SLC35F3: variants seen among roughly 807,000 people sequenced by gnomAD.
SLC35F3 encodes solute carrier family 35 member F3, also known as putative thiamine transporter SLC35F3.
In SLC35F3, 25 loss-of-function variants were observed where a neutral mutation model predicts 49.9. The ratio of observed to expected loss-of-function variants is 0.50; its 90% CI spans 0.37 to 0.70. The LOEUF is 0.70. Ranked by LOEUF, SLC35F3 falls within the 30% of genes least tolerant of loss-of-function variation. The probability of loss-of-function intolerance (pLI) is 0.00; values close to 1 mark genes in which losing one functional copy is unlikely to be tolerated. For synonymous variants in SLC35F3, 275 were observed against 265.4 expected (o/e 1.04, Z -0.35); for missense variants, 525 against 639.8 (o/e 0.82, Z 1.94).
chr1:234,179,699 G>A (rs1666528646), intron 2 of SLC35F3, among the ~76,000 whole-genome samples: 1 of 151,698 alleles, frequency 6.6e-6, no homozygotes, highest in Admixed American at 6.6e-5. Flanking sequence ...TATGAGCCAA[G>A]GACATGGCAT....
intron 3 of SLC35F3, among the ~76,000 whole-genome samples, chr1:234,285,743 C>T (rs967137613): frequency 3.3e-5 from 5 of 152,160 alleles, no homozygotes; most frequent in Admixed American, 6.5e-5. Context: ...GTCAATCAAG[C>T]GCCATTTCCT....
chr1:234,298,678 A>G (rs1294837709), intron 3 of SLC35F3, among the ~76,000 whole-genome samples: 1 of 152,178 alleles, frequency 6.6e-6, no homozygotes, highest in African/African-American at 2.4e-5. Context: ...GGAATGATCA[A>G]TTTGCCACTA....
At chr1:234,254,534 G>A (rs1374877181) in intron 3 of SLC35F3, among the ~76,000 whole-genome samples, 2 of 152,172 alleles carry the variant, frequency 1.3e-5, no homozygotes, top group Non-Finnish European at 2.9e-5. Flanking sequence ...TAAGAAAGGA[G>A]ACAAGATATA....
At chr1:233,981,506 G>T (rs1663183275) in intron 2 of SLC35F3, among the ~76,000 whole-genome samples, 1 of 152,058 alleles carries the variant, frequency 6.6e-6, no homozygotes, top group Admixed American at 6.5e-5. Context: ...GCTTTTTCTT[G>T]CTGAGCGGGA....
chr1:234,020,290 T>C (rs1044049177), intron 2 of SLC35F3, among the ~76,000 whole-genome samples: 1 of 152,244 alleles, frequency 6.6e-6, no homozygotes, highest in African/African-American at 2.4e-5. Context: ...CATGTGCCTC[T>C]ATAGTTCTCA....
intron 3 of SLC35F3, among the ~76,000 whole-genome samples, chr1:234,282,451 G>A (rs540581323): frequency 9.9e-5 from 15 of 152,208 alleles, no homozygotes; most frequent in Non-Finnish European, 1.9e-4. Context: ...ACAGTCCAGA[G>A]CAGGGCCTTC....
At chr1:234,307,300 G>A (rs1020805705) in intron 3 of SLC35F3, among the ~76,000 whole-genome samples, 9 of 152,184 alleles carry the variant, frequency 5.9e-5, no homozygotes, top group African/African-American at 2.2e-4. Context: ...ACCTGGCCCC[G>A]GTTTGTTCAG....
In SLC35F3 at chr1:234,110,770, A is replaced by AATAATT. The variant is rs1558232418; in HGVS notation, c.284-120647_284-120646insATAATT. ...TTAGCCAGATAGATCTTATACCCTCAGACACAATAATTCACTTCTAGCAAC... is the reference window on the plus strand; with the variant it reads ...TTAGCCAGATAGATCTTATACCCTCAATAATTGACACAATAATTCACTTCTAGCAAC... On this transcript the variant is annotated intron_variant, in intron 2 of 7. Transcript: ENST00000366618. 2.6e-5 allele frequency among the ~76,000 whole-genome samples: 4 copies of AATAATT among 152,246 alleles called. No individual in the cohort carries two copies. In the East Asian group the frequency reaches 7.7e-4, roughly 29 times the overall value.
intron 2 of SLC35F3, among the ~76,000 whole-genome samples, chr1:233,906,969 T>C (rs1661787645): frequency 6.6e-6 from 1 of 152,190 alleles, no homozygotes; most frequent in Non-Finnish European, 1.5e-5. Context: ...TTCCAATCTC[T>C]TGCCTCTGCT....
chr1:233,912,455 C>T (rs190359231), intron 2 of SLC35F3, among the ~76,000 whole-genome samples: 94 of 151,814 alleles, frequency 6.2e-4, no homozygotes, highest in Middle Eastern at 3.4e-3. Context: ...CCATCCTGGG[C>T]GACAGAGTGA....
intron 2 of SLC35F3, among the ~76,000 whole-genome samples, chr1:234,211,462 C>A (rs1414853415): frequency 6.6e-6 from 1 of 152,208 alleles, no homozygotes; most frequent in Non-Finnish European, 1.5e-5. Context: ...CTGTACCCTG[C>A]AAGGCCACAG....
At chr1:234,242,871 A>G (rs1667575483) in intron 3 of SLC35F3, among the ~76,000 whole-genome samples, 1 of 152,348 alleles carries the variant, frequency 6.6e-6, no homozygotes, top group South Asian at 2.1e-4. Flanking sequence ...TGTTGCAGGA[A>G]CACATCATTA....
chr1:234,298,930 A>C (rs1266994416), intron 3 of SLC35F3, among the ~76,000 whole-genome samples: 2 of 152,266 alleles, frequency 1.3e-5, no homozygotes, highest in Non-Finnish European at 2.9e-5. Context: ...GACACAGAGG[A>C]GGGCAGCCAT....
chr1:234,265,706 T>C (rs115390351), intron 3 of SLC35F3, among the ~76,000 whole-genome samples: 1,674 of 152,144 alleles, frequency 0.011, 35 homozygotes, highest in African/African-American at 0.039. Context: ...CACAGAACAG[T>C]CCTTGAGACA....
At chr1:234,259,140 T>C (rs1275079749) in intron 3 of SLC35F3, among the ~76,000 whole-genome samples, 1 of 152,214 alleles carries the variant, frequency 6.6e-6, no homozygotes, top group Admixed American at 6.5e-5. Context: ...AACCAAAAAA[T>C]AGAGATCTGT....
At chr1:234,075,168 A>G (rs771252912) in intron 2 of SLC35F3, among the ~76,000 whole-genome samples, 1 of 152,250 alleles carries the variant, frequency 6.6e-6, no homozygotes, top group Non-Finnish European at 1.5e-5. Context: ...TGAGAGACAT[A>G]TGTTCCATGT....
intron 2 of SLC35F3, among the ~76,000 whole-genome samples, chr1:233,958,696 A>G (rs555567502): frequency 1.5e-4 from 23 of 152,346 alleles, no homozygotes; most frequent in African/African-American, 5.5e-4. Flanking sequence ...TAGTCTCTCA[A>G]TTTCAAGATC....
At chr1:234,094,058 A>G (rs1665083692) in intron 2 of SLC35F3, among the ~76,000 whole-genome samples, 1 of 152,228 alleles carries the variant, frequency 6.6e-6, no homozygotes, top group African/African-American at 2.4e-5. Flanking sequence ...CTGTGCACTC[A>G]GGTGTCAGGT....
chr1:233,908,753 C>G (rs1661817959), intron 2 of SLC35F3, among the ~76,000 whole-genome samples: 1 of 151,608 alleles, frequency 6.6e-6, no homozygotes, highest in African/African-American at 2.4e-5. Context: ...CCAGGCTGGT[C>G]TCGAACTCCT....
Sources: allele counts gnomAD v4.1 joint callset (sites outside exome capture counted in the v4.1 genomes callset), GRCh38; gene constraint gnomAD v4.1.1; transcripts MANE v1.5; gene names NCBI Gene and HGNC (gene_info 2026-07-23, HGNC 2026-07-21).